PTPRG: variants seen among roughly 807,000 people sequenced by gnomAD.
PTPRG encodes the protein receptor-type tyrosine-protein phosphatase gamma.
A neutral mutation model predicts 165.3 loss-of-function variants in PTPRG; 102 were observed. The ratio of observed to expected loss-of-function variants is 0.62; its 90% CI spans 0.53 to 0.73. The LOEUF is 0.73. PTPRG is among the 30% of genes least tolerant of loss of function. PTPRG has a pLI of 0.00. For synonymous variants in PTPRG, 675 were observed against 669.5 expected (o/e 1.01, Z -0.13); for missense variants, 1,866 against 1,861.4 (o/e 1.00, Z -0.05).
chr3:61,809,223 C>T (rs1398838453), intron 2 of PTPRG, among the ~76,000 whole-genome samples: 1 of 151,064 alleles, frequency 6.6e-6, no homozygotes, highest in Non-Finnish European at 1.5e-5. Context: ...TTGCCTTAGT[C>T]AAGAGCTTGC....
chr3:62,234,964 T>TA (rs1425635677), intron 14 of PTPRG, among the ~76,000 whole-genome samples: 16 of 151,722 alleles, frequency 1.1e-4, no homozygotes, highest in African/African-American at 3.9e-4. Context: ...CTCAAGTATT[T>TA]TAAAAAAAAT....
chr3:62,036,983 G>GCGCACACACACACA (rs145992725), intron 4 of PTPRG, among the ~76,000 whole-genome samples: 125 of 150,562 alleles, frequency 8.3e-4, no homozygotes, highest in East Asian at 2.8e-3. Flanking sequence ...GCGCGCGCAC[G>GCGCACACACACACA]CACACACACA....
chr3:61,935,237 G>T lies in PTPRG; in HGVS notation c.191-54388G>T, dbSNP rs184373668. ...CTCACCTCCAAACACATTCCAGTTT[G>T]CTCATTTATTCTTTAAAAGTGTGAT... On this transcript the variant is annotated intron_variant, in intron 2 of 29. Coordinates refer to ENST00000474889, the MANE Select transcript of PTPRG (RefSeq NM_002841.4). Among the ~76,000 whole-genome samples, 230 of 152,222 alleles carry T rather than the reference G, an allele frequency of 1.5e-3. 2 individuals carry two copies. The highest frequency in any genetic ancestry group is 5.1e-3 in the African/African-American group (210 of 41,532).
Position 62,014,844 on chromosome 3 carries a change from G to T in PTPRG, c.519+11347G>T, listed in dbSNP as rs572327662. 5.3e-5 allele frequency among the ~76,000 whole-genome samples: 8 copies of T among 152,290 alleles called. No individual in the cohort carries two copies. In the East Asian group the frequency reaches 9.6e-4, roughly 18 times the overall value. On this transcript the variant is annotated intron_variant, in intron 4 of 29. Transcript: ENST00000474889. ...GCACCCATCGAAAAAGATGGCCCCA[G>T]CATATTTTCTGGATTCATCTTATTC...
intron 2 of PTPRG, among the ~76,000 whole-genome samples, chr3:61,975,530 G>A (rs1331489864): frequency 6.6e-6 from 1 of 152,056 alleles, no homozygotes; most frequent in East Asian, 1.9e-4. Flanking sequence ...AGTCTTTTTG[G>A]TTTAGCATTT....
At chr3:61,865,902 C>T (rs140707161) in intron 2 of PTPRG, among the ~76,000 whole-genome samples, 1 of 152,206 alleles carries the variant, frequency 6.6e-6, no homozygotes, top group Admixed American at 6.5e-5. Context: ...TCAAAAGGCA[C>T]TGACATCTAA....
intron 1 of PTPRG, among the ~76,000 whole-genome samples, chr3:61,713,818 C>T (rs2031683884): frequency 6.6e-6 from 1 of 152,126 alleles, no homozygotes; most frequent in Non-Finnish European, 1.5e-5. Context: ...ATTAGATGGC[C>T]TGCACAAGTT....
chr3:61,799,754 A>T (rs1175104453), intron 2 of PTPRG, among the ~76,000 whole-genome samples: 1 of 152,144 alleles, frequency 6.6e-6, no homozygotes, highest in Non-Finnish European at 1.5e-5. Flanking sequence ...CCCCCACCAT[A>T]CTGTACTCCT....
At chr3:61,776,465 A>G (rs1191764517) in intron 2 of PTPRG, among the ~76,000 whole-genome samples, 2 of 152,172 alleles carry the variant, frequency 1.3e-5, no homozygotes, top group Non-Finnish European at 2.9e-5. Flanking sequence ...TGCTTATGGT[A>G]AGAACCCGTT....
At chr3:62,008,832 T>A (rs1051548271) in intron 4 of PTPRG, among the ~76,000 whole-genome samples, 1 of 152,160 alleles carries the variant, frequency 6.6e-6, no homozygotes, top group African/African-American at 2.4e-5. Context: ...TGCTGCTGAT[T>A]TGACAGGAGG....
chr3:61,806,524 TTC>T (rs2035422900), intron 2 of PTPRG, among the ~76,000 whole-genome samples: 1 of 152,188 alleles, frequency 6.6e-6, no homozygotes, highest in African/African-American at 2.4e-5. Flanking sequence ...TCTTTTTGGT[TTC>T]TGATTTGTGG....
chr3:61,932,407 CA>C (rs1258320770), intron 2 of PTPRG, among the ~76,000 whole-genome samples: 14 of 152,182 alleles, frequency 9.2e-5, no homozygotes, highest in African/African-American at 3.4e-4. Flanking sequence ...GCGTCTTAGC[CA>C]GGGGGAACAT....
chr3:62,203,913 A>T lies in PTPRG; in HGVS notation c.2118A>T (p.Arg706=), dbSNP rs527722149. The stretch of plus-strand genomic sequence containing the variant: ...AAAAGCCTATGTCCCGCGGGGACCG[A>T]TTTTCTGAAGACAGCAGATTTATCA... The part of the protein sequence containing the change: ...PSKKPMSRGD[R]FSEDSRFITV... Residue 706 remains arginine (R), a synonymous_variant, in exon 12 of 30, where the codon CGA becomes CGT. Coordinates refer to ENST00000474889, the MANE Select transcript of PTPRG (RefSeq NM_002841.4). This position sits in a 1 kb window ranked among gnomAD's most constrained non-coding sequence, Gnocchi z 6.4. The T allele has an allele frequency of 6.3e-7, 1 of 1,597,156 alleles. No homozygotes were observed.
intron 2 of PTPRG, among the ~76,000 whole-genome samples, chr3:61,988,693 G>C (rs371117986): frequency 7.2e-5 from 11 of 152,010 alleles, no homozygotes; most frequent in Non-Finnish European, 1.3e-4. Flanking sequence ...CTCAATAAAG[G>C]ATTCAGTCTT....
chr3:62,154,993 A>G (rs1704480992), intron 6 of PTPRG, among the ~76,000 whole-genome samples: 1 of 152,186 alleles, frequency 6.6e-6, no homozygotes, highest in Admixed American at 6.5e-5. Flanking sequence ...CTCCGGGCCA[A>G]ACCAGTCCCC....
Position 62,262,895 on chromosome 3 carries a change from G to A in PTPRG, c.2656+1G>A. 6.2e-7 allele frequency: 1 copy of A among 1,605,182 alleles called. No homozygotes were observed. The highest frequency in any genetic ancestry group is 8.5e-7 in the Non-Finnish European group (1 of 1,171,972). On this transcript the variant is annotated splice_donor_variant, in intron 17 of 29. Transcript: ENST00000474889. LOFTEE classifies it high-confidence loss of function. ...AACAGATACATCAACATTTTAGCAT[G>A]TGAGTAATAAGCTTTAAACTACCTT...
chr3:61,639,371 A>G (rs796608020), intron 1 of PTPRG, among the ~76,000 whole-genome samples: 7 of 152,300 alleles, frequency 4.6e-5, no homozygotes, highest in African/African-American at 1.7e-4. Flanking sequence ...TTTTTGCTTA[A>G]GATTGCTTTG....
intron 2 of PTPRG, among the ~76,000 whole-genome samples, chr3:61,988,349 A>C (rs1304883876): frequency 6.6e-6 from 1 of 152,136 alleles, no homozygotes; most frequent in Non-Finnish European, 1.5e-5. Flanking sequence ...ACCATTGTTT[A>C]TATCTACTGT....
chr3:62,051,421 A>G (rs1700465250), intron 4 of PTPRG, among the ~76,000 whole-genome samples: 3 of 152,194 alleles, frequency 2.0e-5, no homozygotes. Flanking sequence ...GCTACTGTGC[A>G]AGAAAAGAGT....
Sources: gnomAD v4.1 joint callset for allele counts (sites outside exome capture counted in the v4.1 genomes callset) on GRCh38, gnomAD v4.1.1 for gene constraint, Gnocchi (gnomAD v3.1) non-coding constraint, MANE v1.5 for transcripts, NCBI Gene and HGNC (gene_info 2026-07-23, HGNC 2026-07-21) for gene names.